PTPRN2: variants seen among roughly 807,000 people sequenced by gnomAD.
PTPRN2 encodes the protein protein tyrosine phosphatase receptor type N2.
PTPRN2 carries 74 observed loss-of-function variants against 118.8 expected under a neutral mutation model. The ratio of observed to expected loss-of-function variants is 0.62; its 90% CI spans 0.52 to 0.76. PTPRN2 has a LOEUF of 0.76. Among genes scored for constraint, PTPRN2 ranks in the 30% least tolerant of loss-of-function variants. The pLI is 0.00. For synonymous variants in PTPRN2, 641 were observed against 608.0 expected (o/e 1.05, Z -0.80); for missense variants, 1,481 against 1,394.4 (o/e 1.06, Z -0.99).
chr7:157,548,987 C>G lies in PTPRN2; in HGVS notation c.2935G>C (p.Glu979Gln). ...AKEIDIAATL[E>Q]HLRDQRPGMV... ...CCGGGTCTCTGGTCCCTCAAGTGCT[C>G]CAGGGTCGCTGCGATATCAATCTCT... Residue 979 changes from glutamate (E) to glutamine (Q), a missense_variant, in exon 22 of 23, where the codon GAG (glutamate) becomes CAG (glutamine). This residue lies in a region of PTPRN2 where 362 missense variants were observed against 384.1 expected (regional missense o/e 0.94). Coordinates refer to ENST00000389418, the MANE Select transcript of PTPRN2 (RefSeq NM_002847.5). 1 of 1,614,208 alleles carries G rather than the reference C, an allele frequency of 6.2e-7. No individual in the cohort carries two copies. The highest frequency in any genetic ancestry group is 8.5e-7 in the Non-Finnish European group (1 of 1,180,040).
chr7:158,179,165 C>T (rs1397012960), intron 5 of PTPRN2, among the ~76,000 whole-genome samples: 2 of 152,288 alleles, frequency 1.3e-5, no homozygotes, highest in East Asian at 3.9e-4. Flanking sequence ...ATACCAACAT[C>T]TATTGTTTTG....
chr7:158,532,061 G>C lies in PTPRN2; in HGVS notation c.113-42276C>G, dbSNP rs149653481. On this transcript the variant is annotated intron_variant, in intron 1 of 22. Transcript: ENST00000389418. ...ATTCTTAGAATAGGTTTTTGCCACAGTGAAAACTGAATAAACAACAAAGTC... is the reference window on the plus strand; with the variant it reads ...ATTCTTAGAATAGGTTTTTGCCACACTGAAAACTGAATAAACAACAAAGTC... 2.0e-5 allele frequency among the ~76,000 whole-genome samples: 3 copies of C among 152,228 alleles called. No homozygotes were observed. In the East Asian group the frequency reaches 5.8e-4, roughly 29 times the overall value.
chr7:158,282,223 A>G (rs1799475722), intron 3 of PTPRN2, among the ~76,000 whole-genome samples: 1 of 148,414 alleles, frequency 6.7e-6, no homozygotes, highest in Admixed American at 6.8e-5. Context: ...ATCGTCACTC[A>G]GCATAGTAAA....
At chr7:158,053,041 C>T (rs955061933) in intron 11 of PTPRN2, among the ~76,000 whole-genome samples, 1 of 152,222 alleles carries the variant, frequency 6.6e-6, no homozygotes, top group East Asian at 1.9e-4. Context: ...CGTCTGCTTC[C>T]CAAGCACCCA....
intron 2 of PTPRN2, among the ~76,000 whole-genome samples, chr7:158,397,057 T>G (rs1484114921): frequency 2.0e-5 from 3 of 152,158 alleles, no homozygotes; most frequent in Non-Finnish European, 4.4e-5. Flanking sequence ...CTCTTTCAAT[T>G]TGCTCTTTTA....
chr7:158,566,705 T>TC (rs1362247454), intron 1 of PTPRN2, among the ~76,000 whole-genome samples: 1 of 152,052 alleles, frequency 6.6e-6, no homozygotes, highest in African/African-American at 2.4e-5. Flanking sequence ...AAGTGGGGTT[T>TC]TTTTTGTTTT....
chr7:158,048,971 A>G (rs896784228), intron 11 of PTPRN2, among the ~76,000 whole-genome samples: 2 of 133,810 alleles, frequency 1.5e-5, no homozygotes, highest in Non-Finnish European at 1.6e-5. Context: ...TACCATCATC[A>G]TCATCACTAT....
In PTPRN2 at chr7:157,540,602, A is replaced by C; in HGVS notation, c.*112T>G. The stretch of plus-strand genomic sequence containing the variant: ...AAACTGCGCTGACTACGGGAGAGCT[A>C]AGGGCCCTATTACTATGCAGTTATA... On this transcript the variant is annotated 3_prime_UTR_variant, in exon 23 of 23. Transcript: ENST00000389418. The C allele has an allele frequency of 5.3e-4, 382 of 723,420 alleles. No individual in the cohort carries two copies. The highest frequency in any genetic ancestry group is 7.5e-4 in the Non-Finnish European group (335 of 444,396). The allele number at this position is 723,420 out of a possible 1,614,324, so 44.8% of individuals were successfully genotyped here.
At chr7:157,955,168 T>C (rs1358447009) in intron 11 of PTPRN2, among the ~76,000 whole-genome samples, 1 of 152,178 alleles carries the variant, frequency 6.6e-6, no homozygotes, top group Admixed American at 6.5e-5. Context: ...TGCCTCACAC[T>C]AAAAAGCAGC....
At chr7:157,612,989 A>G (rs1802471221) in intron 15 of PTPRN2, among the ~76,000 whole-genome samples, 1 of 152,070 alleles carries the variant, frequency 6.6e-6, no homozygotes, top group African/African-American at 2.4e-5. Flanking sequence ...CGGAGGGTTG[A>G]TCTCACTGAC....
At chr7:158,566,583 C>T (rs1827686260) in intron 1 of PTPRN2, among the ~76,000 whole-genome samples, 2 of 152,218 alleles carry the variant, frequency 1.3e-5, no homozygotes, top group Admixed American at 1.3e-4. Flanking sequence ...AACTGAAGTC[C>T]TTTCTCAATT....
intron 17 of PTPRN2, among the ~76,000 whole-genome samples, chr7:157,584,968 G>A (rs962759826): frequency 4.6e-5 from 7 of 152,162 alleles, no homozygotes; most frequent in African/African-American, 9.7e-5. Flanking sequence ...ATTTGGACAC[G>A]GTAATATAAC....
chr7:158,211,635 T>C (rs1227664395), intron 3 of PTPRN2, among the ~76,000 whole-genome samples: 2 of 152,148 alleles, frequency 1.3e-5, no homozygotes, highest in Non-Finnish European at 2.9e-5. Flanking sequence ...TCACTGATCA[T>C]CAGAGAAATG....
intron 11 of PTPRN2, among the ~76,000 whole-genome samples, chr7:158,056,558 G>T (rs368859946): frequency 6.6e-6 from 1 of 152,206 alleles, no homozygotes; most frequent in African/African-American, 2.4e-5. Context: ...TCGGTTTGAC[G>T]ATGGGATGTT....
chr7:157,807,371 G>A (rs778611529), intron 12 of PTPRN2, among the ~76,000 whole-genome samples: 33 of 152,216 alleles, frequency 2.2e-4, no homozygotes, highest in Non-Finnish European at 4.6e-4. Context: ...ACACATGGCA[G>A]CCAGAACGAG....
At chr7:158,171,101 TACACATATATATAC>T (rs1823536344) in intron 5 of PTPRN2, among the ~76,000 whole-genome samples, 2 of 125,100 alleles carry the variant, frequency 1.6e-5, no homozygotes, top group African/African-American at 3.6e-5. Flanking sequence ...CATATATATA[TACACATATATATAC>T]ACACATATAT....
intron 13 of PTPRN2, among the ~76,000 whole-genome samples, chr7:157,681,501 G>A (rs1488863349): frequency 6.6e-6 from 1 of 152,300 alleles, no homozygotes; most frequent in Non-Finnish European, 1.5e-5. Flanking sequence ...CGTCCTGACC[G>A]GGCTGGTGAC....
intron 6 of PTPRN2, among the ~76,000 whole-genome samples, chr7:158,155,784 C>CCATCAACACCAT (rs1554563455): frequency 4.4e-4 from 66 of 148,434 alleles, no homozygotes; most frequent in African/African-American, 1.4e-3. Flanking sequence ...ACTATCATTA[C>CCATCAACACCAT]CATCATCAAC....
intron 1 of PTPRN2, among the ~76,000 whole-genome samples, chr7:158,505,789 G>A (rs986943537): frequency 2.6e-5 from 4 of 152,180 alleles, no homozygotes; most frequent in Non-Finnish European, 5.9e-5. Context: ...CACCGTACAC[G>A]TGTATGCCAT....
Sources: gnomAD v4.1 joint callset for allele counts (sites outside exome capture counted in the v4.1 genomes callset) on GRCh38, gnomAD v4.1.1 for gene constraint, gnomAD v4.1.1 regional missense constraint, MANE v1.5 for transcripts, NCBI Gene and HGNC (gene_info 2026-07-23, HGNC 2026-07-21) for gene names.